Variants in ARMH1 observed in about 807,000 individuals in gnomAD.
ARMH1 encodes the protein armadillo-like helical domain containing protein 1.
In ARMH1, 34 loss-of-function variants were observed where a neutral mutation model predicts 50.2. The ratio of observed to expected loss-of-function variants is 0.68; its 90% CI spans 0.51 to 0.90. The LOEUF (loss-of-function observed/expected upper bound fraction) is 0.90, where lower values mean the gene tolerates loss of function less well. Ranked by LOEUF, ARMH1 falls within the 40% of genes least tolerant of loss-of-function variation. The pLI is 0.00. For synonymous variants in ARMH1, 221 were observed against 224.2 expected, an observed-to-expected ratio of 0.99 and a Z score of 0.13; for missense variants, 538 against 553.9, an observed-to-expected ratio of 0.97 and a Z score of 0.29.
intron 4 of ARMH1, among the ~76,000 whole-genome samples, chr1:44,699,832 ATT>A (rs771770605): frequency 1.6e-4 from 19 of 121,584 alleles, no homozygotes; most frequent in Non-Finnish European, 1.6e-4. Context: ...TTCTTTTTCT[ATT>A]TTTTTTTTTT....
intron 6 of ARMH1, among the ~76,000 whole-genome samples, chr1:44,712,755 C>T (rs759520863): frequency 5.8e-4 from 86 of 149,188 alleles, no homozygotes; most frequent in African/African-American, 1.5e-3. Context: ...CCTCTGCCTC[C>T]GAGGTTCAAG....
chr1:44,724,748 C>T lies in ARMH1; in HGVS notation c.1051-14C>T. The T allele has an allele frequency of 1.3e-6, 2 of 1,527,182 alleles. No individual in the cohort carries two copies. Among genetic ancestry groups the T allele is most frequent in the Non-Finnish European group, 1.8e-6 (2 of 1,140,898 alleles). The allele number at this position is 1,527,182 out of a possible 1,614,324, so 94.6% of individuals were successfully genotyped here. A position where few individuals can be genotyped will look rare whatever the true frequency, so the allele number is the denominator to read the frequency against. ...TCGCCCCCGCAGTCACGCCGCCTCG[C>T]CCGCGCGGCGCAGTGCTTCGTGCAG... is the stretch of plus-strand genomic sequence containing the variant. On this transcript the variant is annotated splice_polypyrimidine_tract_variant and intron_variant, in intron 9 of 11. Transcript: ENST00000535358. This position sits in a 1 kb window ranked among gnomAD's most constrained non-coding sequence, Gnocchi z 6.4.
chr1:44,697,262 C>T (rs1645858530), intron 3 of ARMH1, 92 bp downstream of exon 3: 5 of 1,025,744 alleles, frequency 4.9e-6, no homozygotes, highest in Non-Finnish European at 6.0e-6. Flanking sequence ...GCCACGGATT[C>T]CTGTTAGCAG....
chr1:44,725,446 G>A lies in ARMH1; in HGVS notation c.*43G>A. 6.5e-7 allele frequency: 1 copy of A among 1,544,880 alleles called. No individual in the cohort carries two copies. Among genetic ancestry groups the A allele is most frequent in the Non-Finnish European group, 8.8e-7 (1 of 1,141,174 alleles). ...CAGGAAGGCCAAGGCTGCGGGGCAG[G>A]GAAGCCTGGCAAGAGGAAGGCGCCT... On this transcript the variant is annotated 3_prime_UTR_variant, in exon 12 of 12. Transcript: ENST00000535358.
chr1:44,721,525 T>C (rs929302655), intron 6 of ARMH1, among the ~76,000 whole-genome samples: 1 of 151,374 alleles, frequency 6.6e-6, no homozygotes, highest in Non-Finnish European at 1.5e-5. Flanking sequence ...AAAAAAAAAA[T>C]CTTATAAACA....
intron 6 of ARMH1, among the ~76,000 whole-genome samples, chr1:44,705,853 T>A (rs1292881946): frequency 6.6e-6 from 1 of 151,994 alleles, no homozygotes; most frequent in Non-Finnish European, 1.5e-5. Context: ...GTGTTTGAAC[T>A]GAGCCGTGGA....
At chr1:44,721,878 T>G (rs183651791) in intron 6 of ARMH1, 3 of 152,312 alleles carry the variant, frequency 2.0e-5, no homozygotes, top group East Asian at 1.9e-4. Flanking sequence ...AAAGATTTAT[T>G]CGTTATGAAG....
chr1:44,710,320 C>G (rs1646545958), intron 6 of ARMH1, among the ~76,000 whole-genome samples: 1 of 151,958 alleles, frequency 6.6e-6, no homozygotes, highest in Non-Finnish European at 1.5e-5. Flanking sequence ...AGAAATTAAT[C>G]ACAGATTGGC....
At chr1:44,720,364 C>G (rs1325737588) in intron 6 of ARMH1, among the ~76,000 whole-genome samples, 1 of 152,194 alleles carries the variant, frequency 6.6e-6, no homozygotes, top group Non-Finnish European at 1.5e-5. Flanking sequence ...CATCCACCAC[C>G]AGGCTGGTGG....
chr1:44,704,159 A>G lies in ARMH1; in HGVS notation c.710A>G (p.Glu237Gly), dbSNP rs1646229417. The change falls in exon 6 of 12, where the codon GAA becomes GGA. Residue 237 changes from glutamate (E) to glycine (G), a missense_variant. Transcript: ENST00000535358. ...VLKVLGTMHL[E>G]VQYEAIELIK... ...AAGGTGCTGGGCACGATGCACCTGG[A>G]AGTCCAGTATGAAGGTAGGGAGCCT... 6.4e-7 allele frequency: 1 copy of G among 1,551,078 alleles called. No individual in the cohort carries two copies. Among genetic ancestry groups the G allele is most frequent in the South Asian group, 1.2e-5 (1 of 84,042 alleles).
chr1:44,725,511 G>T lies in ARMH1; in HGVS notation c.*108G>T, dbSNP rs547788840. The T allele has an allele frequency of 2.6e-6, 3 of 1,133,792 alleles. No homozygotes were observed. Among genetic ancestry groups the T allele is most frequent in the African/African-American group, 1.6e-5 (1 of 64,218 alleles). The allele number at this position is 1,133,792 out of a possible 1,614,324, so 70.2% of individuals were successfully genotyped here. ...AGCCACTCCACTTGGCTCCAGGGGG[G>T]AGACGGGGATTAGGCATCCCAGAGG... is the stretch of plus-strand genomic sequence containing the variant. On this transcript the variant is annotated 3_prime_UTR_variant, in exon 12 of 12. Coordinates refer to ENST00000535358, the MANE Select transcript of ARMH1 (RefSeq NM_001145636.2).
rs1278855444 is a variant in ARMH1, at chr1:44,701,129, G to A, written c.639+10G>A. ...TCTCAGGACTGCCCAGGTGAGCCAA[G>A]GCTGCATGCTCCTGTGGTTCTGATT... On this transcript the variant is annotated intron_variant, in intron 5 of 11. Transcript: ENST00000535358. 2 of 1,541,156 alleles carry A rather than the reference G, an allele frequency of 1.3e-6. No individual in the cohort carries two copies. The highest frequency in any genetic ancestry group is 2.5e-5 in the East Asian group (1 of 40,800).
intron 6 of ARMH1, among the ~76,000 whole-genome samples, chr1:44,709,512 A>C (rs1450130846): frequency 6.6e-6 from 1 of 152,074 alleles, no homozygotes; most frequent in Admixed American, 6.5e-5. Context: ...CTCTACTAAA[A>C]ATACAAAAAA....
intron 6 of ARMH1, chr1:44,721,817 A>C (rs548010432): frequency 6.6e-6 from 1 of 152,326 alleles, no homozygotes; most frequent in South Asian, 2.1e-4. Flanking sequence ...CAAAAAATTT[A>C]ACCATAAACT....
Position 44,683,046 on chromosome 1 carries a change from G to C in ARMH1, c.-22-6630G>C, listed in dbSNP as rs149919388. Reference sequence around the variant, plus strand: ...GCAGTAATCCATATGCGGAACAAGGGTGTGAAACTGAAATAGCGGCAGTGG... The same window carrying C: ...GCAGTAATCCATATGCGGAACAAGGCTGTGAAACTGAAATAGCGGCAGTGG... On this transcript the variant is annotated intron_variant, in intron 1 of 11. Coordinates refer to ENST00000535358, the MANE Select transcript of ARMH1 (RefSeq NM_001145636.2). This position sits in a 1 kb window ranked among gnomAD's most constrained non-coding sequence, Gnocchi z 4.2. 9.0e-3 allele frequency among the ~76,000 whole-genome samples: 1,367 copies of C among 152,346 alleles called. 16 individuals carry two copies. Among genetic ancestry groups the C allele is most frequent in the Non-Finnish European group, 0.015 (1,013 of 68,026 alleles).
intron 6 of ARMH1, among the ~76,000 whole-genome samples, chr1:44,715,012 T>C (rs944876506): frequency 2.0e-5 from 3 of 152,002 alleles, no homozygotes; most frequent in African/African-American, 7.2e-5. Context: ...TCTTAAAGTG[T>C]TGAGATTGCA....
chr1:44,685,443 T>C (rs1200447073), intron 1 of ARMH1, among the ~76,000 whole-genome samples: 3 of 151,280 alleles, frequency 2.0e-5, no homozygotes, highest in African/African-American at 7.3e-5. Context: ...GCCTCCCAAG[T>C]AGCTGAAACT....
chr1:44,721,918 T>G (rs1573511448), intron 6 of ARMH1: 1 of 152,248 alleles, frequency 6.6e-6, no homozygotes, highest in Non-Finnish European at 1.5e-5. Flanking sequence ...GTTAGCCTTT[T>G]GCCTGGCTTC....
At chr1:44,676,363 G>C (rs549634709) in intron 1 of ARMH1, among the ~76,000 whole-genome samples, 1 of 152,316 alleles carries the variant, frequency 6.6e-6, no homozygotes, top group Non-Finnish European at 1.5e-5. Flanking sequence ...AAGTTGCAGT[G>C]TGGGAGTCTA....
Sources: allele counts gnomAD v4.1 joint callset (sites outside exome capture counted in the v4.1 genomes callset), GRCh38; gene constraint gnomAD v4.1.1; non-coding constraint Gnocchi (gnomAD v3.1); transcripts MANE v1.5; gene names NCBI Gene and HGNC (gene_info 2026-07-23, HGNC 2026-07-21).